GRIK4: variants seen among roughly 807,000 people sequenced by gnomAD.
The protein encoded by GRIK4 is glutamate ionotropic receptor kainate type subunit 4.
A neutral mutation model predicts 104.9 loss-of-function variants in GRIK4; 40 were observed. The ratio of observed to expected loss-of-function variants is 0.38; its 90% CI spans 0.30 to 0.50. GRIK4 has a LOEUF of 0.50. Among genes scored for constraint, GRIK4 ranks in the 20% least tolerant of loss-of-function variants. The pLI, the probability that GRIK4 is intolerant of heterozygous loss-of-function variation, is 0.93. For synonymous variants in GRIK4, 485 were observed against 524.9 expected, an observed-to-expected ratio of 0.92 and a Z score of 1.04; for missense variants, 1,047 against 1,308.1, an observed-to-expected ratio of 0.80 and a Z score of 3.08.
rs1007902886 is a variant in GRIK4, at chr11:120,987,839, T to C, written c.*1579T>C. 5.3e-5 allele frequency: 8 copies of C among 152,268 alleles called. No homozygotes were observed. The highest frequency in any genetic ancestry group is 1.7e-4 in the African/African-American group (7 of 41,440). 9.4% of individuals were successfully genotyped at this position (152,268 alleles called of 1,614,324 possible). ...TTGGGAGTTTCACGCAGAGTTCTCA[T>C]TGGCTGATGGAAAACAAATTCTATG... On this transcript the variant is annotated 3_prime_UTR_variant, in exon 21 of 21. Coordinates refer to ENST00000527524, the MANE Select transcript of GRIK4 (RefSeq NM_014619.5).
intron 3 of GRIK4, among the ~76,000 whole-genome samples, chr11:120,671,669 C>T (rs1299343927): frequency 2.0e-5 from 3 of 152,186 alleles, no homozygotes; most frequent in African/African-American, 7.2e-5. Context: ...TTCTCCCATT[C>T]TGCAGGTTGC....
At chr11:120,977,370 C>T (rs1017394576) in intron 19 of GRIK4, among the ~76,000 whole-genome samples, 8 of 152,294 alleles carry the variant, frequency 5.3e-5, no homozygotes, top group South Asian at 2.1e-4. Flanking sequence ...GTGAGTGCCG[C>T]GTGGGCCTTG....
intron 20 of GRIK4, among the ~76,000 whole-genome samples, chr11:120,983,387 C>G (rs780104531): frequency 5.9e-5 from 9 of 152,336 alleles, no homozygotes; most frequent in Non-Finnish European, 1.3e-4. Flanking sequence ...AGCCTGGCTC[C>G]TCCCTACCCC....
intron 3 of GRIK4, among the ~76,000 whole-genome samples, chr11:120,780,487 T>C (rs2846102): frequency 0.053 from 8,082 of 152,290 alleles, 581 homozygotes; most frequent in African/African-American, 0.16. Context: ...GGCTGAATCA[T>C]ATTCCGTTGT....
chr11:120,937,556 CT>C (rs1372647701), intron 13 of GRIK4, among the ~76,000 whole-genome samples: 5 of 152,224 alleles, frequency 3.3e-5, no homozygotes, highest in African/African-American at 1.2e-4. Flanking sequence ...CCCTGCCTCC[CT>C]TTCCCCCAGC....
chr11:120,636,148 G>A (rs949970627), intron 1 of GRIK4, among the ~76,000 whole-genome samples: 1 of 152,202 alleles, frequency 6.6e-6, no homozygotes. Flanking sequence ...ATATACTACA[G>A]TTTATTCTAT....
At chr11:120,958,215 G>A (rs756328460) in intron 16 of GRIK4, among the ~76,000 whole-genome samples, 8 of 152,360 alleles carry the variant, frequency 5.3e-5, no homozygotes, top group South Asian at 4.1e-4. Context: ...CACTTTATCC[G>A]CTTGTCAGCT....
intron 1 of GRIK4, among the ~76,000 whole-genome samples, chr11:120,635,992 CT>C (rs1286386844): frequency 2.0e-5 from 3 of 152,202 alleles, no homozygotes; most frequent in Non-Finnish European, 4.4e-5. Context: ...CGTTTTGCCT[CT>C]TTTCAAACTC....
At chr11:120,661,646 C>T (rs1483645857) in intron 3 of GRIK4, among the ~76,000 whole-genome samples, 1 of 152,136 alleles carries the variant, frequency 6.6e-6, no homozygotes, top group African/African-American at 2.4e-5. Context: ...GGGCGAGCAG[C>T]CAAAACCTGG....
intron 1 of GRIK4, among the ~76,000 whole-genome samples, chr11:120,570,327 C>T (rs1217723765): frequency 6.6e-6 from 1 of 152,198 alleles, no homozygotes. Context: ...CCCTCAACCT[C>T]CCTTTTTTGA....
At chr11:120,538,502 T>C (rs1230839920) in intron 1 of GRIK4, among the ~76,000 whole-genome samples, 1 of 152,148 alleles carries the variant, frequency 6.6e-6, no homozygotes, top group African/African-American at 2.4e-5. Flanking sequence ...TTCCCTTTCC[T>C]TTCTCCGTGA....
chr11:120,853,820 T>A (rs1280820783), intron 8 of GRIK4, among the ~76,000 whole-genome samples: 1 of 152,242 alleles, frequency 6.6e-6, no homozygotes, highest in Non-Finnish European at 1.5e-5. Context: ...ACATTTGAAG[T>A]TGTCAATCAT....
intron 1 of GRIK4, among the ~76,000 whole-genome samples, chr11:120,535,950 C>T (rs1377744507): frequency 6.6e-6 from 1 of 152,184 alleles, no homozygotes; most frequent in African/African-American, 2.4e-5. Context: ...ACTGGTTCCT[C>T]CTGGCCATCT....
intron 3 of GRIK4, among the ~76,000 whole-genome samples, chr11:120,687,519 G>C (rs1413650906): frequency 6.6e-6 from 1 of 151,964 alleles, no homozygotes; most frequent in Non-Finnish European, 1.5e-5. Context: ...CTGTGAATCT[G>C]TTTCTATTGT....
chr11:120,800,559 C>T (rs997981487), intron 3 of GRIK4, among the ~76,000 whole-genome samples: 3 of 152,180 alleles, frequency 2.0e-5, no homozygotes, highest in South Asian at 2.1e-4. Context: ...CCCAGGTATG[C>T]GTGGACTTTG....
chr11:120,868,444 G>A (rs1194968358), intron 9 of GRIK4: 1 of 151,584 alleles, frequency 6.6e-6, no homozygotes, highest in Non-Finnish European at 1.5e-5. Context: ...AAAGCGAGAG[G>A]CGTGCACACA....
At chr11:120,648,931 G>T (rs1949579351) in intron 1 of GRIK4, among the ~76,000 whole-genome samples, 1 of 152,172 alleles carries the variant, frequency 6.6e-6, no homozygotes, top group Non-Finnish European at 1.5e-5. Flanking sequence ...CTGGAGTCCT[G>T]TATCCCCTCT....
At chr11:120,875,714 T>C (rs1197207789) in intron 11 of GRIK4, among the ~76,000 whole-genome samples, 1 of 152,034 alleles carries the variant, frequency 6.6e-6, no homozygotes, top group Admixed American at 6.6e-5. Flanking sequence ...ACACAGCTCC[T>C]CTCCTGGCCG....
intron 19 of GRIK4, among the ~76,000 whole-genome samples, chr11:120,978,624 T>C (rs1944601131): frequency 6.6e-6 from 1 of 152,128 alleles, no homozygotes; most frequent in Non-Finnish European, 1.5e-5. Context: ...TAAAGGCTAC[T>C]GCAATAGTCC....
Sources: allele counts gnomAD v4.1 joint callset (sites outside exome capture counted in the v4.1 genomes callset), GRCh38; gene constraint gnomAD v4.1.1; transcripts MANE v1.5; gene names NCBI Gene and HGNC (gene_info 2026-07-23, HGNC 2026-07-21).